CDKL1: variants seen among roughly 807,000 people sequenced by gnomAD.
CDKL1 encodes cyclin dependent kinase like 1.
In CDKL1, 41 loss-of-function variants were observed where a neutral mutation model predicts 42.0. That is an observed-to-expected ratio of 0.98 (90% CI 0.76 to 1.27). The LOEUF (loss-of-function observed/expected upper bound fraction) is 1.27, where lower values mean the gene tolerates loss of function less well. Ranked by LOEUF, CDKL1 falls within the 50% of genes most tolerant of loss-of-function variation. The pLI is 0.00. For missense variants in CDKL1, 394 were observed against 428.4 expected (o/e 0.92, Z 0.71); for synonymous variants, 153 against 158.6 (o/e 0.96, Z 0.26).
rs554151147 is a variant in CDKL1 at position 50,394,157 on chromosome 14, A to G, written c.168+1544T>C. ...AAGAGTATCTTTCTGCAAGAAACAG[A>G]TTTTCTTTCAGGTAAATGAACCCTT... On this transcript the variant is annotated intron_variant, in intron 2 of 9. Coordinates refer to ENST00000395834, the MANE Select transcript of CDKL1 (RefSeq NM_004196.7). 1.8e-4 allele frequency among the ~76,000 whole-genome samples: 27 copies of G among 152,278 alleles called. No homozygotes were observed. The South Asian group carries it at 5.4e-3, about 30-fold the overall frequency.
chr14:50,384,609 T>G (rs931267346), intron 2 of CDKL1, among the ~76,000 whole-genome samples: 1 of 151,090 alleles, frequency 6.6e-6, no homozygotes, highest in Non-Finnish European at 1.5e-5. Flanking sequence ...TGTAACATAT[T>G]GAATTTTTAA....
In CDKL1 at chr14:50,366,145, T is replaced by A. The variant is rs138243781; in HGVS notation, c.169-6996A>T. Among the ~76,000 whole-genome samples the A allele has an allele frequency of 5.7e-3, 864 of 152,266 alleles. 7 individuals are homozygous for A. Among genetic ancestry groups the A allele is most frequent in the African/African-American group, 0.019 (802 of 41,542 alleles). On this transcript the variant is annotated intron_variant, in intron 2 of 9. Coordinates refer to ENST00000395834, the MANE Select transcript of CDKL1 (RefSeq NM_004196.7). ...TCCCTCTAGAGAACCCTGACTAATATAAGCACCTACTCTGCATCAGGTATT... is the reference window on the plus strand; with the variant it reads ...TCCCTCTAGAGAACCCTGACTAATAAAAGCACCTACTCTGCATCAGGTATT...
chr14:50,369,904 C>T (rs563494132), intron 2 of CDKL1, among the ~76,000 whole-genome samples: 1 of 152,192 alleles, frequency 6.6e-6, no homozygotes, highest in Admixed American at 6.5e-5. Context: ...CAGGCGTGAG[C>T]CACCATGCCT....
At chr14:50,366,448 G>C (rs1756439274) in intron 2 of CDKL1, among the ~76,000 whole-genome samples, 2 of 152,226 alleles carry the variant, frequency 1.3e-5, no homozygotes, top group Admixed American at 1.3e-4. Context: ...AGGCCAGCCA[G>C]TCAGAAGGCA....
chr14:50,378,542 A>AT, intron 2 of CDKL1: 3 of 869,532 alleles, frequency 3.5e-6, no homozygotes, highest in African/African-American at 1.8e-5. Flanking sequence ...TTTTACTTTT[A>AT]TTTTTTATAG....
Position 50,345,028 on chromosome 14 carries a change from A to T in CDKL1, c.321T>A (p.Thr107=), listed in dbSNP as rs548644595. ...GVPEHLVKSI[T]WQTLQAVNFC... is the part of the protein sequence containing the mutation. ...AATTTACAGCTTGCAGTGTCTGCCAAGTTATGCTCTTCACGAGATGTTCTG... is the reference window on the plus strand; with the variant it reads ...AATTTACAGCTTGCAGTGTCTGCCATGTTATGCTCTTCACGAGATGTTCTG... Residue 107 remains threonine (T), a synonymous_variant, in exon 4 of 10, where the codon ACT becomes ACA. Coordinates refer to ENST00000395834, the MANE Select transcript of CDKL1 (RefSeq NM_004196.7). 1.2e-6 allele frequency: 2 copies of T among 1,613,844 alleles called. No individual in the cohort carries two copies. The highest frequency in any genetic ancestry group is 1.7e-4 in the Middle Eastern group (1 of 6,058).
chr14:50,384,417 T>C (rs1008348985), intron 2 of CDKL1, among the ~76,000 whole-genome samples: 2 of 152,212 alleles, frequency 1.3e-5, no homozygotes, highest in African/African-American at 4.8e-5. Context: ...CAGGGGTCTC[T>C]GGAGAAATGG....
chr14:50,330,183 TA>T lies in CDKL1; in HGVS notation c.967-3del. The T allele has an allele frequency of 6.2e-7, 1 of 1,600,056 alleles. No individual in the cohort carries two copies. Among genetic ancestry groups the T allele is most frequent in the Non-Finnish European group, 8.5e-7 (1 of 1,177,256 alleles). On this transcript the variant is annotated splice_region_variant and splice_polypyrimidine_tract_variant and intron_variant, in intron 9 of 9. Coordinates refer to ENST00000395834, the MANE Select transcript of CDKL1 (RefSeq NM_004196.7). ...AGTTAGCTGGGGTAGGTACTGCAAC[TA>T]AAAATGCAAAACACAGAATTAGGTT...
At chr14:50,372,996 C>G (rs895853578) in intron 2 of CDKL1, among the ~76,000 whole-genome samples, 6 of 151,938 alleles carry the variant, frequency 3.9e-5, no homozygotes, top group African/African-American at 1.5e-4. Flanking sequence ...TCATTTTTCT[C>G]ATGATAGCTT....
At chr14:50,369,620 ACAC>A (rs2034533496) in intron 2 of CDKL1, among the ~76,000 whole-genome samples, 10 of 150,264 alleles carry the variant, frequency 6.7e-5, no homozygotes, top group Admixed American at 5.3e-4. Flanking sequence ...ACACACACAC[ACAC>A]ACACACACAC....
intron 7 of CDKL1, chr14:50,335,495 A>T (rs1427106775): frequency 9.3e-5 from 143 of 1,535,944 alleles, no homozygotes; most frequent in Non-Finnish European, 1.1e-4. Flanking sequence ...GGCATTCGTC[A>T]ATCTCCTTTT....
In CDKL1 at chr14:50,329,929, C is replaced by T; in HGVS notation, c.*145G>A. On this transcript the variant is annotated 3_prime_UTR_variant, in exon 10 of 10. Transcript: ENST00000395834. Reference sequence around the variant, plus strand: ...CTGGATCTGGAATTTCCCTTCATATCTTGCCAGTTGGCCTCCCAGTTTCTT... The same window carrying T: ...CTGGATCTGGAATTTCCCTTCATATTTTGCCAGTTGGCCTCCCAGTTTCTT... The T allele has an allele frequency of 3.2e-6, 3 of 950,942 alleles. No homozygotes were observed. Among genetic ancestry groups the T allele is most frequent in the South Asian group, 3.6e-5 (2 of 54,838 alleles). The allele number at this position is 950,942 out of a possible 1,614,324, so 58.9% of individuals were successfully genotyped here.
chr14:50,363,498 G>A (rs928262569), intron 2 of CDKL1, among the ~76,000 whole-genome samples: 1 of 152,172 alleles, frequency 6.6e-6, no homozygotes, highest in Non-Finnish European at 1.5e-5. Context: ...GATAGAATTC[G>A]CAGAAAGCAG....
intron 2 of CDKL1, among the ~76,000 whole-genome samples, chr14:50,380,607 G>C (rs756567126): frequency 1.3e-5 from 2 of 152,164 alleles, no homozygotes; most frequent in African/African-American, 4.8e-5. Flanking sequence ...TTGTCTTGAC[G>C]TTCCACTGAA....
intron 4 of CDKL1, chr14:50,343,132 A>T: frequency 1.0e-6 from 1 of 977,304 alleles, no homozygotes. Flanking sequence ...CAAAGAACAA[A>T]TCAACAACCT....
chr14:50,363,754 A>C (rs2034356227), intron 2 of CDKL1: 1 of 152,212 alleles, frequency 6.6e-6, no homozygotes, highest in South Asian at 2.1e-4. Flanking sequence ...GGTGCCTCCC[A>C]CTTGCCACGT....
At chr14:50,389,778 G>A (rs565264985) in intron 2 of CDKL1, among the ~76,000 whole-genome samples, 204 of 152,274 alleles carry the variant, frequency 1.3e-3, no homozygotes, top group South Asian at 3.7e-3. Flanking sequence ...CACAGCTAAG[G>A]CCCTGCGGGA....
Position 50,330,128 on chromosome 14 carries a change from A to C in CDKL1, c.1020T>G (p.Asn340Lys). 1.9e-6 allele frequency: 3 copies of C among 1,608,528 alleles called. No individual in the cohort carries two copies. Among genetic ancestry groups the C allele is most frequent in the Non-Finnish European group, 1.7e-6 (2 of 1,178,908 alleles). ...TCTTGGTATCACAGTAGTACTTCTT[A>C]TTATCCAAAGCTGGAAGGATGCTGC... ...TGSSILPALDNKKYYCDTKKL... is the reference protein window; with the variant it reads ...TGSSILPALDKKKYYCDTKKL... The change falls in exon 10 of 10, where the codon AAT becomes AAG. Residue 340 changes from asparagine to lysine, a missense_variant. Asn to Lys is a moderately conservative substitution (Grantham distance 94). Coordinates refer to ENST00000395834, the MANE Select transcript of CDKL1 (RefSeq NM_004196.7).
chr14:50,383,406 T>G (rs1348593440), intron 2 of CDKL1, among the ~76,000 whole-genome samples: 1 of 151,858 alleles, frequency 6.6e-6, no homozygotes, highest in Non-Finnish European at 1.5e-5. Flanking sequence ...AAAAATTAGC[T>G]GGACATGGTG....
Sources: allele counts gnomAD v4.1 joint callset (sites outside exome capture counted in the v4.1 genomes callset), GRCh38; gene constraint gnomAD v4.1.1; transcripts MANE v1.5; gene names NCBI Gene and HGNC (gene_info 2026-07-23, HGNC 2026-07-21).